Variants in TRIP12 observed in about 807,000 individuals in gnomAD.
TRIP12 encodes the protein E3 ubiquitin-protein ligase TRIP12.
In TRIP12, 25 loss-of-function variants were observed where a neutral mutation model predicts 244.2. The ratio of observed to expected loss-of-function variants is 0.10; its 90% CI spans 0.07 to 0.14. TRIP12 has a LOEUF of 0.14. Ranked by LOEUF, TRIP12 falls within the 10% of genes least tolerant of loss-of-function variation. The probability of loss-of-function intolerance (pLI) is 1.00; values close to 1 mark genes in which losing one functional copy is unlikely to be tolerated. For synonymous variants in TRIP12, 905 were observed against 873.1 expected (o/e 1.04, Z -0.64); for missense variants, 1,677 against 2,486.4 (o/e 0.67, Z 6.92).
intron 4 of TRIP12, among the ~76,000 whole-genome samples, chr2:229,842,498 T>C (rs967887839): frequency 1.3e-5 from 2 of 152,228 alleles, no homozygotes; most frequent in Non-Finnish European, 1.5e-5. Context: ...TTCTATTGGA[T>C]TTGTGTGACT....
At position 229,867,155 on chromosome 2, in the gene TRIP12, T is replaced by G. The variant is rs573054092; in HGVS notation, c.99-6624A>C. On this transcript the variant is annotated intron_variant, in intron 2 of 41. Transcript: ENST00000675903. ...CTATGGTCAGACAGGGAAGGTTTTT[T>G]TTTGTTTGTTTGTTTGTTTTTTTTT... Among the ~76,000 whole-genome samples, 247 of 95,118 alleles carry G rather than the reference T, an allele frequency of 2.6e-3. 3 individuals carry two copies. The South Asian group carries it at 0.034, about 13-fold the overall frequency. 62.4% of individuals were successfully genotyped at this position (95,118 alleles called of 152,430 possible).
At chr2:229,840,706 A>C in intron 5 of TRIP12, 116 bp downstream of exon 5, 2 of 794,832 alleles carry the variant, frequency 2.5e-6, no homozygotes, top group Admixed American at 3.3e-5. Flanking sequence ...CCGTCAAAAA[A>C]CAAAACAAAA....
At position 229,798,732 on chromosome 2, in the gene TRIP12, C is replaced by G. The variant is rs1201974279; in HGVS notation, c.3482+143G>C. The G allele has an allele frequency of 1.5e-5, 14 of 916,626 alleles. No individual in the cohort carries two copies. In the Admixed American group the frequency reaches 2.9e-4, roughly 19 times the overall value. 56.8% of individuals were successfully genotyped at this position (916,626 alleles called of 1,614,324 possible). ...CAGGGTTCATAAACTGAGAAACTACCTAATTCTTGAACTATGCTTTTAAGA... is the reference window on the plus strand; with the variant it reads ...CAGGGTTCATAAACTGAGAAACTACGTAATTCTTGAACTATGCTTTTAAGA... On this transcript the variant is annotated intron_variant, in intron 23 of 41. Coordinates refer to ENST00000675903, the MANE Select transcript of TRIP12 (RefSeq NM_001348323.3).
rs372882810 is a variant in TRIP12, at chr2:229,793,028, G to A, written c.4086C>T (p.Val1362=). The change falls in exon 27 of 42, where the codon GTC becomes GTT. Residue 1362 remains valine, a synonymous_variant. Coordinates refer to ENST00000675903, the MANE Select transcript of TRIP12 (RefSeq NM_001348323.3). ...ANVKQWKGGP[V]KIDPLALVQA... The stretch of plus-strand genomic sequence containing the variant: ...GTACCAAAGCCAGAGGGTCAATCTT[G>A]ACAGGTCCACCCTTCCACTGCTTCA... 46 of 1,613,770 alleles carry A rather than the reference G, an allele frequency of 2.9e-5. No homozygotes were observed. Among genetic ancestry groups the A allele is most frequent in the Non-Finnish European group, 3.8e-5 (45 of 1,179,896 alleles).
In TRIP12 at chr2:229,778,628, CAAAAA is replaced by C. The variant is rs1559340314; in HGVS notation, c.5210-46_5210-42del. 1 of 1,582,128 alleles carries C rather than the reference CAAAAA, an allele frequency of 6.3e-7. No individual in the cohort carries two copies. Among genetic ancestry groups the C allele is most frequent in the Admixed American group, 1.9e-5 (1 of 52,502 alleles). Reference sequence around the variant, plus strand: ...TGCAGCAAACTTCAGATGATGTTTCCAAAAACAAAACAAAACCTGGTAACTAAGAA... The same window carrying C: ...TGCAGCAAACTTCAGATGATGTTTCCCAAAACAAAACCTGGTAACTAAGAA... On this transcript the variant is annotated intron_variant, in intron 35 of 41. Coordinates refer to ENST00000675903, the MANE Select transcript of TRIP12 (RefSeq NM_001348323.3). This position sits in a 1 kb window ranked among gnomAD's most constrained non-coding sequence, Gnocchi z 4.1.
At chr2:229,844,924 G>A (rs754657934) in intron 4 of TRIP12, among the ~76,000 whole-genome samples, 6 of 152,080 alleles carry the variant, frequency 3.9e-5, no homozygotes, top group Non-Finnish European at 5.9e-5. Context: ...TCTTCTCCAC[G>A]TGGTACCATT....
chr2:229,840,358 C>T (rs1257244430), intron 5 of TRIP12, among the ~76,000 whole-genome samples: 1 of 151,886 alleles, frequency 6.6e-6, no homozygotes, highest in East Asian at 1.9e-4. Flanking sequence ...AAAGATAATA[C>T]CAGTTATGTT....
rs546976260 is a variant in TRIP12 at position 229,892,926 on chromosome 2, T to C, written c.-49-12798A>G. ...ACATTCAAATCAGTAAGACTACAGC[T>C]ACCACTCATCTTCAAATGGGCATAA... On this transcript the variant is annotated intron_variant, in intron 1 of 41. Transcript: ENST00000675903. Among the ~76,000 whole-genome samples the C allele has an allele frequency of 3.3e-5, 5 of 152,268 alleles. No homozygotes were observed. The East Asian group carries it at 5.8e-4, about 18-fold the overall frequency.
At chr2:229,837,031 G>A (rs2055012454) in intron 5 of TRIP12, 47 bp from the exon 6 acceptor site, 3 of 1,466,888 alleles carry the variant, frequency 2.0e-6, no homozygotes, top group Non-Finnish European at 9.0e-7. Context: ...AGTGAACCAG[G>A]AGCAATGTAT....
At chr2:229,878,735 C>G (rs2154352755) in intron 2 of TRIP12, among the ~76,000 whole-genome samples, 1 of 151,706 alleles carries the variant, frequency 6.6e-6, no homozygotes, top group Non-Finnish European at 1.5e-5. Flanking sequence ...CGCCCACCAC[C>G]ATGCCCAGCT....
In TRIP12 at chr2:229,791,762, C is replaced by A. The variant is rs1037328357; in HGVS notation, c.4415+104G>T. 5.7e-5 allele frequency: 69 copies of A among 1,217,950 alleles called. No individual in the cohort carries two copies. In the African/African-American group the frequency reaches 9.1e-4, roughly 16 times the overall value. 75.4% of individuals were successfully genotyped at this position (1,217,950 alleles called of 1,614,324 possible). A position where few individuals can be genotyped will look rare whatever the true frequency, so the allele number is the denominator to read the frequency against. On this transcript the variant is annotated intron_variant, in intron 29 of 41. Coordinates refer to ENST00000675903, the MANE Select transcript of TRIP12 (RefSeq NM_001348323.3). ...AGAACTAAAATGTGTGATTTAGGGCCCCCTATCCTTATGAAAGCCAGCCAT... is the reference window on the plus strand; with the variant it reads ...AGAACTAAAATGTGTGATTTAGGGCACCCTATCCTTATGAAAGCCAGCCAT...
chr2:229,901,785 A>G (rs2070957104), intron 1 of TRIP12, among the ~76,000 whole-genome samples: 1 of 152,178 alleles, frequency 6.6e-6, no homozygotes, highest in Admixed American at 6.5e-5. Flanking sequence ...TGTGAGGAAA[A>G]CTAAGCAGTG....
intron 1 of TRIP12, among the ~76,000 whole-genome samples, chr2:229,903,588 C>T (rs894083564): frequency 6.6e-6 from 1 of 152,088 alleles, no homozygotes; most frequent in Non-Finnish European, 1.5e-5. Flanking sequence ...TCTTCTTACT[C>T]TTCCCATTGG....
intron 1 of TRIP12, among the ~76,000 whole-genome samples, chr2:229,920,092 C>CA: frequency 6.6e-6 from 1 of 152,336 alleles, no homozygotes; most frequent in Middle Eastern, 3.4e-3. Flanking sequence ...GCGACACACA[C>CA]AGGCCTCATA....
At position 229,792,006 on chromosome 2, in the gene TRIP12, T is replaced by C. The variant is rs2041659236; in HGVS notation, c.4275A>G (p.Glu1425=). 1 of 1,614,158 alleles carries C rather than the reference T, an allele frequency of 6.2e-7. No homozygotes were observed. Among genetic ancestry groups the C allele is most frequent in the East Asian group, 2.2e-5 (1 of 44,872 alleles). Residue 1425 remains glutamate, a synonymous_variant, in exon 29 of 42, where the codon GAA becomes GAG. Coordinates refer to ENST00000675903, the MANE Select transcript of TRIP12 (RefSeq NM_001348323.3). ...VRHRLQFYIG[E]HLLPYNMTVY... is the part of the protein sequence containing the mutation. The stretch of plus-strand genomic sequence containing the variant: ...CAGTCATGTTATACGGCAGCAAATG[T>C]TCTCCAATATAAAACTGCAGCCTGT...
chr2:229,824,052 A>G (rs187679462), intron 8 of TRIP12, among the ~76,000 whole-genome samples: 2 of 152,374 alleles, frequency 1.3e-5, no homozygotes, highest in Non-Finnish European at 2.9e-5. Flanking sequence ...TATCAAGTTT[A>G]TAACACGTAT....
intron 23 of TRIP12, among the ~76,000 whole-genome samples, chr2:229,798,348 A>G (rs1296014241): frequency 2.6e-5 from 4 of 152,124 alleles, no homozygotes; most frequent in Admixed American, 1.3e-4. Flanking sequence ...AACCAAAGAG[A>G]GCATGTTTAT....
In TRIP12 at chr2:229,805,813, T is replaced by C; in HGVS notation, c.2567A>G (p.Asn856Ser). ...TLGRVYTIDF[N>S]SMQQINEDTG... ...GTCCTCATTGATTTGCTGCATAGAATTAAAATCAATAGTATAAACTCGTCC... is the reference window on the plus strand; with the variant it reads ...GTCCTCATTGATTTGCTGCATAGAACTAAAATCAATAGTATAAACTCGTCC... Residue 856 changes from asparagine to serine, a missense_variant, in exon 18 of 42, where the codon AAT (asparagine) becomes AGT (serine). Around this residue, in one of 11 missense-constraint regions of TRIP12, gnomAD observed 572 missense variants for 867.8 expected, o/e 0.66. Coordinates refer to ENST00000675903, the MANE Select transcript of TRIP12 (RefSeq NM_001348323.3). The C allele has an allele frequency of 6.2e-7, 1 of 1,611,516 alleles. No homozygotes were observed. Among genetic ancestry groups the C allele is most frequent in the Non-Finnish European group, 8.5e-7 (1 of 1,177,932 alleles).
intron 4 of TRIP12, among the ~76,000 whole-genome samples, chr2:229,846,459 ATTGT>A: frequency 6.6e-6 from 1 of 152,252 alleles, no homozygotes; most frequent in South Asian, 2.1e-4. Flanking sequence ...AGCCATGTAC[ATTGT>A]TTTTTTAGAC....
Sources: allele counts gnomAD v4.1 joint callset (sites outside exome capture counted in the v4.1 genomes callset), GRCh38; gene constraint gnomAD v4.1.1; regional missense constraint gnomAD v4.1.1; non-coding constraint Gnocchi (gnomAD v3.1); transcripts MANE v1.5; gene names NCBI Gene and HGNC (gene_info 2026-07-23, HGNC 2026-07-21).